THSD4: variants seen among roughly 807,000 people sequenced by gnomAD.
THSD4 encodes thrombospondin type 1 domain containing 4.
Under a neutral mutation model 119.0 loss-of-function variants are expected in THSD4, and 69 were observed. That is an observed-to-expected ratio of 0.58 (90% CI 0.48 to 0.71). THSD4 has a LOEUF of 0.71. THSD4 is among the 30% of genes least tolerant of loss of function. The pLI is 0.00. For missense variants in THSD4, 1,393 were observed against 1,391.1 expected (o/e 1.00, Z -0.02); for synonymous variants, 524 against 540.4 (o/e 0.97, Z 0.42).
At chr15:71,112,165 C>T, upstream of THSD4, 6 of 1,613,756 alleles carry the variant, frequency 3.7e-6, no homozygotes, top group Non-Finnish European at 5.1e-6. Flanking sequence ...AGACGCTGTG[C>T]TGCAGGCTGG....
At chr15:71,577,606 C>T (rs1334651372) in intron 7 of THSD4, among the ~76,000 whole-genome samples, 1 of 152,120 alleles carries the variant, frequency 6.6e-6, no homozygotes, top group Non-Finnish European at 1.5e-5. Flanking sequence ...TGGTTTACAA[C>T]CATTTGGCGT....
chr15:71,764,151 T>C (rs1291841243), intron 15 of THSD4, among the ~76,000 whole-genome samples: 1 of 151,362 alleles, frequency 6.6e-6, no homozygotes, highest in African/African-American at 2.4e-5. Flanking sequence ...GAGGCTGAGG[T>C]GAGAGGACCA....
At chr15:71,264,556 AC>A (rs1430719052) in intron 6 of THSD4, among the ~76,000 whole-genome samples, 13 of 152,230 alleles carry the variant, frequency 8.5e-5, no homozygotes, top group Admixed American at 8.5e-4. Context: ...GTGGGACCCA[AC>A]AGGAGGTTAG....
intron 3 of THSD4, among the ~76,000 whole-genome samples, chr15:71,159,395 T>C (rs2043229349): frequency 6.6e-6 from 1 of 152,202 alleles, no homozygotes; most frequent in Admixed American, 6.5e-5. Context: ...AATCTGTAAA[T>C]TGCTTTGGCT....
intron 6 of THSD4, among the ~76,000 whole-genome samples, chr15:71,326,692 AAAAAAAAAATATATATAT>A (rs1160008711): frequency 1.5e-4 from 2 of 13,528 alleles, no homozygotes; most frequent in Non-Finnish European, 1.8e-4. Flanking sequence ...AAAAAAAAAA[AAAAAAAAAATATATATAT>A]ATATATATAT....
At chr15:71,113,381 G>A (rs927187279), upstream of THSD4, among the ~76,000 whole-genome samples, 2 of 152,140 alleles carry the variant, frequency 1.3e-5, no homozygotes, top group African/African-American at 2.4e-5. Flanking sequence ...TATGTCGGAT[G>A]TTAACATTAG....
chr15:71,162,609 G>T (rs2043257780), intron 3 of THSD4, among the ~76,000 whole-genome samples: 1 of 151,986 alleles, frequency 6.6e-6, no homozygotes, highest in African/African-American at 2.4e-5. Flanking sequence ...CCCCAGAGAG[G>T]TTTTTTGGGG....
intron 8 of THSD4, among the ~76,000 whole-genome samples, chr15:71,690,950 T>G (rs921522170): frequency 6.6e-6 from 1 of 152,148 alleles, no homozygotes; most frequent in Non-Finnish European, 1.5e-5. Flanking sequence ...GGAATTAATG[T>G]TACAGATGGA....
Position 71,660,551 on chromosome 15 carries a change from T to C in THSD4, c.1174T>C (p.Leu392=). ...GCAGAGCATTGGCTGTGATGACTAC[T>C]TAGGCTCCGACAAAGTCGTGGACAA... ...QCKSIGCDDY[L]GSDKVVDKCG... is the part of the protein sequence containing the mutation. The change falls in exon 8 of 18, where the codon TTA becomes CTA. Residue 392 remains leucine (L), a synonymous_variant. Coordinates refer to ENST00000261862, the MANE Select transcript of THSD4 (RefSeq NM_024817.3). 1 of 1,614,228 alleles carries C rather than the reference T, an allele frequency of 6.2e-7. No homozygotes were observed. The highest frequency in any genetic ancestry group is 1.3e-5 in the African/African-American group (1 of 75,066).
chr15:71,265,851 A>T (rs1012336848), intron 6 of THSD4, among the ~76,000 whole-genome samples: 2 of 152,104 alleles, frequency 1.3e-5, no homozygotes, highest in Non-Finnish European at 2.9e-5. Context: ...GGAAGTTCAA[A>T]CTCGGCAGAG....
intron 7 of THSD4, among the ~76,000 whole-genome samples, chr15:71,627,958 G>T (rs927711206): frequency 6.6e-6 from 1 of 152,214 alleles, no homozygotes; most frequent in Non-Finnish European, 1.5e-5. Context: ...CCTGATAAAC[G>T]TTCGCTGGGC....
intron 7 of THSD4, among the ~76,000 whole-genome samples, chr15:71,513,537 C>A (rs541497441): frequency 1.3e-5 from 2 of 152,120 alleles, no homozygotes; most frequent in Non-Finnish European, 2.9e-5. Context: ...AAAATGCAAA[C>A]GAAAACCTCC....
At chr15:71,530,804 G>GAA (rs5813642) in intron 7 of THSD4, among the ~76,000 whole-genome samples, 8 of 149,746 alleles carry the variant, frequency 5.3e-5, no homozygotes, top group Admixed American at 2.7e-4. Context: ...CCAAGCCCCC[G>GAA]AAAAAAAAAA....
intron 6 of THSD4, among the ~76,000 whole-genome samples, chr15:71,287,866 A>C (rs2044737695): frequency 6.6e-6 from 1 of 152,222 alleles, no homozygotes; most frequent in African/African-American, 2.4e-5. Flanking sequence ...TCAAGAAGGA[A>C]TTTTTAACTC....
intron 7 of THSD4, among the ~76,000 whole-genome samples, chr15:71,587,948 C>A (rs1254741202): frequency 3.3e-5 from 5 of 152,166 alleles, no homozygotes; most frequent in Admixed American, 3.3e-4. Context: ...AGAATGAGAT[C>A]CTCTACCTCT....
At chr15:71,216,461 GATGCGACAC>G (rs1169806992) in intron 4 of THSD4, among the ~76,000 whole-genome samples, 1 of 152,246 alleles carries the variant, frequency 6.6e-6, no homozygotes, top group Admixed American at 6.5e-5. Context: ...GTGGAAAGGA[GATGCGACAC>G]ATCCAGCCTC....
chr15:71,120,236 C>T (rs1184112891), intron 1 of THSD4, among the ~76,000 whole-genome samples: 1 of 152,134 alleles, frequency 6.6e-6, no homozygotes, highest in Non-Finnish European at 1.5e-5. Context: ...CCCCACTCCC[C>T]TTCCCCAGCT....
At chr15:71,111,363 A>G (rs1213070201), upstream of THSD4, 2 of 1,613,664 alleles carry the variant, frequency 1.2e-6, no homozygotes, top group Non-Finnish European at 1.7e-6. Context: ...TTACAGGTCA[A>G]GTAGAGAGTC....
intron 8 of THSD4, among the ~76,000 whole-genome samples, chr15:71,663,353 G>A (rs2051351952): frequency 6.6e-6 from 1 of 152,210 alleles, no homozygotes; most frequent in Admixed American, 6.5e-5. Flanking sequence ...GAAATCGGTA[G>A]CGTCCATGAA....
Sources: allele counts gnomAD v4.1 joint callset (sites outside exome capture counted in the v4.1 genomes callset), GRCh38; gene constraint gnomAD v4.1.1; transcripts MANE v1.5; gene names NCBI Gene and HGNC (gene_info 2026-07-23, HGNC 2026-07-21).